Variants in SLC10A3 observed in about 807,000 individuals in gnomAD.
The protein encoded by SLC10A3 is solute carrier family 10 member 3, also known as P3 protein.
SLC10A3 carries 1 observed loss-of-function variant against 1.9 expected under a neutral mutation model. That is an observed-to-expected ratio of 0.52 (90% confidence interval 0.19 to 2.48). The LOEUF (loss-of-function observed/expected upper bound fraction) is 2.48, where lower values mean the gene tolerates loss of function less well. Among genes scored for constraint, SLC10A3 ranks in the 30% most tolerant of loss-of-function variants. The pLI is 0.25. For synonymous variants in SLC10A3, 202 were observed against 189.3 expected (o/e 1.07, Z -0.55); for missense variants, 317 against 398.5 (o/e 0.80, Z 1.74).
In SLC10A3 at chrX:154,490,494, C is replaced by T; in HGVS notation, c.-330G>A. 2 of 380,275 alleles carry T rather than the reference C, an allele frequency of 5.3e-6. No homozygotes were observed. Among genetic ancestry groups the T allele is most frequent in the Non-Finnish European group, 6.7e-6 (2 of 297,519 alleles). The allele number at this position is 380,275 out of a possible 1,213,427, so 31.3% of individuals were successfully genotyped here. On this transcript the variant is annotated 5_prime_UTR_variant, in exon 1 of 2. Transcript: ENST00000651600. ...GCCAGGCCTCGCAAACGCGCGGCGG[C>T]GGCGGCGGCCCTTCCCTGCCAGGCC...
chrX:154,490,485 G>A lies in SLC10A3; in HGVS notation c.-321C>T, dbSNP rs2069369530. ...CGCGGCCCCGCCAGGCCTCGCAAAC[G>A]CGCGGCGGCGGCGGCGGCCCTTCCC... On this transcript the variant is annotated 5_prime_UTR_variant, in exon 1 of 2. Transcript: ENST00000651600. 2.2e-6 allele frequency: 1 copy of A among 449,949 alleles called. No homozygotes were observed. Among genetic ancestry groups the A allele is most frequent in the Non-Finnish European group, 2.8e-6 (1 of 361,347 alleles). 37.1% of individuals were successfully genotyped at this position (449,949 alleles called of 1,213,427 possible).
rs1183275593 is a variant in SLC10A3 at position 154,490,486 on chromosome X, C to CGCGGCG, written c.-328_-323dup. 6.8e-4 allele frequency: 301 copies of CGCGGCG among 445,908 alleles called. No homozygotes were observed. The highest frequency in any genetic ancestry group is 7.8e-4 in the Non-Finnish European group (281 of 358,572). The allele number at this position is 445,908 out of a possible 1,213,427, so 36.7% of individuals were successfully genotyped here. The stretch of plus-strand genomic sequence containing the variant: ...GCGGCCCCGCCAGGCCTCGCAAACG[C>CGCGGCG]GCGGCGGCGGCGGCGGCCCTTCCCT... On this transcript the variant is annotated 5_prime_UTR_variant, in exon 1 of 2. Coordinates refer to ENST00000651600, the MANE Select transcript of SLC10A3 (RefSeq NM_019848.5).
Position 154,488,773 on chromosome X carries a change from G to A in SLC10A3, c.168C>T (p.His56=), listed in dbSNP as rs1557213975. 3.3e-6 allele frequency: 4 copies of A among 1,209,943 alleles called. No individual in the cohort carries two copies. The highest frequency in any genetic ancestry group is 2.2e-5 in the Admixed American group (1 of 45,896). Reference sequence around the variant, plus strand: ...AGCGGCCCCCAGTCGGTGGCACGGTGTGACCCCCAGCAGTGCTGAGGCTGG... The same window carrying A: ...AGCGGCCCCCAGTCGGTGGCACGGTATGACCCCCAGCAGTGCTGAGGCTGG... ...ASTSLSTAGG[H]TVPPTGGRYL... The change falls in exon 2 of 2, where the codon CAC becomes CAT. Residue 56 remains histidine, a synonymous_variant. Coordinates refer to ENST00000651600, the MANE Select transcript of SLC10A3 (RefSeq NM_019848.5).
At position 154,488,110 on chromosome X, in the gene SLC10A3, A is replaced by G; in HGVS notation, c.831T>C (p.Leu277=). The change falls in exon 2 of 2, where the codon CTT becomes CTC. Residue 277 remains leucine (L), a synonymous_variant. Coordinates refer to ENST00000651600, the MANE Select transcript of SLC10A3 (RefSeq NM_019848.5). ...GGGSYLFSLL[L]GGDVTLAISM... ...AGATGGCCAGGGTGACGTCCCCTCC[A>G]AGAAGGAGGCTGAAGAGGTAGCTCC... is the stretch of plus-strand genomic sequence containing the variant. 8.3e-7 allele frequency: 1 copy of G among 1,211,272 alleles called. No individual in the cohort carries two copies.
In SLC10A3 at chrX:154,488,755, C is replaced by T. The variant is rs200273305; in HGVS notation, c.186G>A (p.Gly62=). Residue 62 remains glycine, a synonymous_variant, in exon 2 of 2, where the codon GGG becomes GGA. Transcript: ENST00000651600. The stretch of plus-strand genomic sequence containing the variant: ...CATCTCCAATGCTCAAGTAGCGGCC[C>T]CCAGTCGGTGGCACGGTGTGACCCC... The part of the protein sequence containing the change: ...TAGGHTVPPT[G]GRYLSIGDGS... The T allele has an allele frequency of 5.1e-5, 62 of 1,210,246 alleles. 1 individual carries two copies. Among genetic ancestry groups the T allele is most frequent in the Non-Finnish European group, 6.8e-5 (61 of 895,060 alleles).
In SLC10A3 at chrX:154,490,437, C is replaced by G. The variant is rs782630706; in HGVS notation, c.-273G>C. ...CGGGCCGTCTCGGAGTCTGGGGGGG[C>G]CCCTTACGCCATTCCTGGGCCCCGC... On this transcript the variant is annotated 5_prime_UTR_variant, in exon 1 of 2. Coordinates refer to ENST00000651600, the MANE Select transcript of SLC10A3 (RefSeq NM_019848.5). The G allele has an allele frequency of 5.0e-4, 330 of 658,191 alleles. 2 individuals carry two copies. The African/African-American group carries it at 7.1e-3, about 14-fold the overall frequency. The allele number at this position is 658,191 out of a possible 1,213,427, so 54.2% of individuals were successfully genotyped here.
At chrX:154,489,749 C>T (rs1039979840) in intron 1 of SLC10A3, 132 of 752,285 alleles carry the variant, frequency 1.8e-4, no homozygotes, top group Non-Finnish European at 2.1e-4. Flanking sequence ...ACTGTTGTGT[C>T]CCAGTCCTAG....
Position 154,488,111 on chromosome X carries a change from A to G in SLC10A3, c.830T>C (p.Leu277Pro). Residue 277 changes from leucine to proline, a missense_variant, in exon 2 of 2, where the codon CTT becomes CCT. Leu to Pro is a moderately conservative substitution (Grantham distance 98, BLOSUM62 -3). Transcript: ENST00000651600. ...GGGSYLFSLL[L>P]GGDVTLAISM... is the part of the protein sequence containing the mutation. ...GATGGCCAGGGTGACGTCCCCTCCA[A>G]GAAGGAGGCTGAAGAGGTAGCTCCC... 4 of 1,211,292 alleles carry G rather than the reference A, an allele frequency of 3.3e-6. No individual in the cohort carries two copies. The highest frequency in any genetic ancestry group is 4.5e-6 in the Non-Finnish European group (4 of 895,374).
In SLC10A3 at chrX:154,488,777, C is replaced by A; in HGVS notation, c.164G>T (p.Gly55Val). The change falls in exon 2 of 2, where the codon GGT becomes GTT. Residue 55 changes from glycine (G) to valine (V), a missense_variant. Transcript: ENST00000651600. ...GCCCCCAGTCGGTGGCACGGTGTGA[C>A]CCCCAGCAGTGCTGAGGCTGGTGCT... ...TASTSLSTAG[G>V]HTVPPTGGRY... 3.3e-6 allele frequency: 4 copies of A among 1,210,991 alleles called. No homozygotes were observed. The highest frequency in any genetic ancestry group is 4.5e-6 in the Non-Finnish European group (4 of 894,815).
rs6655248 is a variant in SLC10A3 at position 154,490,171 on chromosome X, T to A, written c.-143+136A>T. The A allele has an allele frequency of 2.3e-4, 210 of 921,355 alleles. No homozygotes were observed. In the East Asian group the frequency reaches 8.3e-3, roughly 36 times the overall value. 75.9% of individuals were successfully genotyped at this position (921,355 alleles called of 1,213,427 possible). A position where few individuals can be genotyped will look rare whatever the true frequency, so the allele number is the denominator to read the frequency against. On this transcript the variant is annotated intron_variant, in intron 1 of 1. Transcript: ENST00000651600. ...CACTCCAAGAGGGGTTTGGCCCAGA[T>A]CCCACACCATTTCTGCTTGAGGGGC...
chrX:154,489,723 G>A (rs941347769), intron 1 of SLC10A3: 1 of 752,751 alleles, frequency 1.3e-6, no homozygotes, highest in Non-Finnish European at 1.6e-6. Context: ...CATCACCCCT[G>A]TCAGTTGCCT....
Position 154,488,752 on chromosome X carries a change from G to A in SLC10A3, c.189C>T (p.Gly63=). 1 of 1,211,521 alleles carries A rather than the reference G, an allele frequency of 8.3e-7. No homozygotes were observed. ...AGCCATCTCCAATGCTCAAGTAGCG[G>A]CCCCCAGTCGGTGGCACGGTGTGAC... ...AGGHTVPPTG[G]RYLSIGDGSV... The change falls in exon 2 of 2, where the codon GGC becomes GGT. Residue 63 remains glycine (G), a synonymous_variant. Coordinates refer to ENST00000651600, the MANE Select transcript of SLC10A3 (RefSeq NM_019848.5).
chrX:154,490,040 C>T (rs969673805), intron 1 of SLC10A3: 2 of 1,008,851 alleles, frequency 2.0e-6, no homozygotes, highest in Non-Finnish European at 2.5e-6. Flanking sequence ...AAGATGAAGG[C>T]ACCAGGACTG....
rs2069337699 is a variant in SLC10A3, at chrX:154,488,458, CTCAA to C, written c.479_482del (p.Ile160ArgfsTer56). 2.5e-6 allele frequency: 3 copies of C among 1,210,547 alleles called. No homozygotes were observed. Among genetic ancestry groups the C allele is most frequent in the Non-Finnish European group, 2.2e-6 (2 of 894,676 alleles). On this transcript the variant is annotated frameshift_variant, in exon 2 of 2. Coordinates refer to ENST00000651600, the MANE Select transcript of SLC10A3 (RefSeq NM_019848.5). LOFTEE classifies it low-confidence loss of function (END_TRUNC). ...CCTTGATGCAGAAGTCTCTCCGCTC[CTCAA>C]TCAGTGTGGGCGGGGCCTCATGGGC... is the stretch of plus-strand genomic sequence containing the variant.
In SLC10A3 at chrX:154,488,621, A is replaced by G; in HGVS notation, c.320T>C (p.Val107Ala). Residue 107 changes from valine (V) to alanine (A), a missense_variant, in exon 2 of 2, where the codon GTC becomes GCC. Coordinates refer to ENST00000651600, the MANE Select transcript of SLC10A3 (RefSeq NM_019848.5). ...NRTAPGPMLRVTSLDTEVLTI... is the reference protein window; with the variant it reads ...NRTAPGPMLRATSLDTEVLTI... ...CAGCACCTCTGTGTCCAGGGAGGTG[A>G]CCCTGAGCATGGGGCCAGGCGCCGT... 2.5e-6 allele frequency: 3 copies of G among 1,211,423 alleles called. No individual in the cohort carries two copies. The highest frequency in any genetic ancestry group is 3.4e-6 in the Non-Finnish European group (3 of 895,344).
At position 154,488,696 on chromosome X, in the gene SLC10A3, CTG is replaced by C. The variant is rs1408494788; in HGVS notation, c.243_244del (p.Asp81GlufsTer2). 3.3e-6 allele frequency: 4 copies of C among 1,211,972 alleles called. No homozygotes were observed. Among genetic ancestry groups the C allele is most frequent in the Non-Finnish European group, 2.2e-6 (2 of 895,526 alleles). ...GCTGGAGATCACGATGATGCCCTCACTGTCCTCAGGAAACTCAAACTCCATCA... is the reference window on the plus strand; with the variant it reads ...GCTGGAGATCACGATGATGCCCTCACTCCTCAGGAAACTCAAACTCCATCA... On this transcript the variant is annotated frameshift_variant, in exon 2 of 2. Coordinates refer to ENST00000651600, the MANE Select transcript of SLC10A3 (RefSeq NM_019848.5). LOFTEE classifies it low-confidence loss of function (END_TRUNC).
At chrX:154,490,138 C>T in intron 1 of SLC10A3, 169 bp downstream of exon 1, 1 of 934,829 alleles carries the variant, frequency 1.1e-6, no homozygotes, top group East Asian at 4.3e-5. Flanking sequence ...GGGCTGGCGG[C>T]TCTGAGTCAC....
intron 1 of SLC10A3, chrX:154,489,901 G>A: frequency 3.9e-6 from 4 of 1,034,026 alleles, no homozygotes; most frequent in Non-Finnish European, 5.0e-6. Flanking sequence ...CCTAGCTTAG[G>A]ATGACATGGC....
chrX:154,488,705 G>A lies in SLC10A3; in HGVS notation c.236C>T (p.Pro79Leu). Residue 79 changes from proline to leucine, a missense_variant, in exon 2 of 2, where the codon CCT becomes CTT. Physicochemically the swap from Pro to Leu is moderately conservative, Grantham distance 98 (BLOSUM62 -3). Coordinates refer to ENST00000651600, the MANE Select transcript of SLC10A3 (RefSeq NM_019848.5). ...GDGSVMEFEF[P>L]EDSEGIIVIS... ...CACGATGATGCCCTCACTGTCCTCA[G>A]GAAACTCAAACTCCATCACAGAGCC... is the stretch of plus-strand genomic sequence containing the variant. 3 of 1,211,950 alleles carry A rather than the reference G, an allele frequency of 2.5e-6. No homozygotes were observed. Among genetic ancestry groups the A allele is most frequent in the South Asian group, 3.5e-5 (2 of 57,058 alleles).
Sources: gnomAD v4.1 joint callset for allele counts on GRCh38, gnomAD v4.1.1 for gene constraint, MANE v1.5 for transcripts, NCBI Gene and HGNC (gene_info 2026-07-23, HGNC 2026-07-21) for gene names.